The following SIL1 variants were observed in gnomAD, a reference collection of about 807,000 sequenced individuals.
SIL1 encodes SIL1 nucleotide exchange factor.
In SIL1, 40 loss-of-function variants were observed where a neutral mutation model predicts 49.1. The ratio of observed to expected loss-of-function variants is 0.81; its 90% CI spans 0.63 to 1.06. SIL1 has a LOEUF of 1.06. Among genes scored for constraint, SIL1 ranks in the 50% least tolerant of loss-of-function variants. The probability of loss-of-function intolerance (pLI) is 0.00; values close to 1 mark genes in which losing one functional copy is unlikely to be tolerated. For synonymous variants in SIL1, 253 were observed against 250.8 expected, an observed-to-expected ratio of 1.01 and a Z score of -0.08; for missense variants, 500 against 572.6, an observed-to-expected ratio of 0.87 and a Z score of 1.29.
chr5:139,191,093 A>G (rs1651596280), intron 1 of SIL1, among the ~76,000 whole-genome samples: 3 of 152,090 alleles, frequency 2.0e-5, no homozygotes, highest in Middle Eastern at 3.4e-3. Context: ...TTAGCCGGCC[A>G]TGGTGGCAAG....
intron 7 of SIL1, among the ~76,000 whole-genome samples, chr5:138,959,309 A>C (rs1766968667): frequency 6.6e-6 from 1 of 152,248 alleles, no homozygotes; most frequent in East Asian, 1.9e-4. Flanking sequence ...AGCATTTGGG[A>C]TAACTAGAGT....
intron 7 of SIL1, among the ~76,000 whole-genome samples, chr5:138,989,841 C>T (rs1477551086): frequency 1.3e-5 from 2 of 152,206 alleles, no homozygotes; most frequent in East Asian, 3.9e-4. Flanking sequence ...GAAATGCCAT[C>T]TGAAGGCCAT....
intron 5 of SIL1, among the ~76,000 whole-genome samples, chr5:139,041,818 CA>C (rs536666463): frequency 0.17 from 14,958 of 86,332 alleles, 1,630 homozygotes; most frequent in African/African-American, 0.41. Context: ...AACTCAAAAA[CA>C]AAAAAAAAAA....
intron 7 of SIL1, among the ~76,000 whole-genome samples, chr5:139,019,723 A>G (rs757561391): frequency 9.2e-5 from 14 of 152,160 alleles, no homozygotes; most frequent in Non-Finnish European, 1.6e-4. Flanking sequence ...AATGCTACAC[A>G]GTTTCCCCCA....
At chr5:139,102,356 C>T (rs1561862715) in intron 3 of SIL1, among the ~76,000 whole-genome samples, 1 of 152,074 alleles carries the variant, frequency 6.6e-6, no homozygotes, top group Admixed American at 6.6e-5. Context: ...GAACACAAGC[C>T]ATAATGTTAA....
chr5:139,029,957 G>A (rs1768750245), intron 5 of SIL1, among the ~76,000 whole-genome samples: 1 of 151,644 alleles, frequency 6.6e-6, no homozygotes, highest in South Asian at 2.1e-4. Flanking sequence ...GAGCAATAGA[G>A]TGAGACTCTG....
intron 3 of SIL1, among the ~76,000 whole-genome samples, chr5:139,065,663 C>T (rs80071886): frequency 0.019 from 2,903 of 152,292 alleles, 53 homozygotes; most frequent in Non-Finnish European, 0.032. Context: ...AGCAGCCTGC[C>T]TCACACCTCC....
chr5:139,020,321 C>T (rs1357572581), intron 7 of SIL1, among the ~76,000 whole-genome samples: 1 of 152,196 alleles, frequency 6.6e-6, no homozygotes, highest in Non-Finnish European at 1.5e-5. Context: ...ATTTAAAAAA[C>T]AAGCACAGAT....
At chr5:139,015,915 G>GT (rs1251333621) in intron 7 of SIL1, among the ~76,000 whole-genome samples, 1 of 152,094 alleles carries the variant, frequency 6.6e-6, no homozygotes, top group Non-Finnish European at 1.5e-5. Flanking sequence ...CATTATCGAG[G>GT]TTCCTTAGTA....
intron 3 of SIL1, among the ~76,000 whole-genome samples, chr5:139,056,679 G>A (rs1195441179): frequency 7.7e-5 from 11 of 143,066 alleles, no homozygotes; most frequent in Non-Finnish European, 1.3e-4. Context: ...CAGCCGCCCC[G>A]TCCGGGAGGG....
intron 5 of SIL1, among the ~76,000 whole-genome samples, chr5:139,033,416 G>C (rs1768835151): frequency 6.6e-6 from 1 of 151,230 alleles, no homozygotes; most frequent in African/African-American, 2.4e-5. Context: ...CTTGCTTTGA[G>C]CTTGTTTCGA....
At chr5:138,958,474 A>C (rs1766947825) in intron 7 of SIL1, among the ~76,000 whole-genome samples, 2 of 152,182 alleles carry the variant, frequency 1.3e-5, no homozygotes, top group Admixed American at 1.3e-4. Context: ...AGACACTTTG[A>C]GATATGAAGA....
chr5:139,154,333 C>T (rs1751366056), intron 1 of SIL1, among the ~76,000 whole-genome samples: 1 of 152,224 alleles, frequency 6.6e-6, no homozygotes, highest in Non-Finnish European at 1.5e-5. Flanking sequence ...AGAAGATGTT[C>T]CCAATTCTGT....
chr5:138,954,324 G>A (rs1428290331), intron 7 of SIL1, among the ~76,000 whole-genome samples: 1 of 152,282 alleles, frequency 6.6e-6, no homozygotes. Flanking sequence ...GGTACGGCAG[G>A]ACCATGGGCC....
At chr5:138,966,139 A>G (rs11958050) in intron 7 of SIL1, among the ~76,000 whole-genome samples, 66,681 of 151,896 alleles carry the variant, frequency 0.44, 15,987 homozygotes, top group African/African-American at 0.65. Context: ...ATTTTCAACA[A>G]GTTCAATATT....
At position 139,021,240 on chromosome 5, in the gene SIL1, T is replaced by A. The variant is rs979530005; in HGVS notation, c.698A>T (p.Asn233Ile). The A allele has an allele frequency of 1.2e-6, 2 of 1,614,018 alleles. No homozygotes were observed. The highest frequency in any genetic ancestry group is 1.7e-6 in the Non-Finnish European group (2 of 1,180,030). The change falls in exon 7 of 10, where the codon AAT (asparagine) becomes ATT (isoleucine). Residue 233 changes from asparagine to isoleucine, a missense_variant. Physicochemically the swap from Asn to Ile is moderately radical, Grantham distance 149 (BLOSUM62 -3). Transcript: ENST00000394817. ...LSFGGLQVVI[N>I]GLNSTEPLVK... ...GAGGGGCTCTGTGCTGTTCAGCCCA[T>A]TGATCACCACTTGAAGACCACCAAA...
chr5:139,057,366 A>C (rs1343071410), intron 3 of SIL1, among the ~76,000 whole-genome samples: 1 of 151,594 alleles, frequency 6.6e-6, no homozygotes, highest in Admixed American at 6.6e-5. Context: ...TTCTGGTCCA[A>C]GAAGGATGAG....
intron 5 of SIL1, among the ~76,000 whole-genome samples, chr5:139,033,438 T>C (rs1339262062): frequency 6.6e-6 from 1 of 151,872 alleles, no homozygotes; most frequent in African/African-American, 2.4e-5. Flanking sequence ...CATCTTTTCC[T>C]AGTTTCTTGA....
At chr5:139,174,937 CAA>C (rs56959325) in intron 1 of SIL1, among the ~76,000 whole-genome samples, 232 of 59,832 alleles carry the variant, frequency 3.9e-3, no homozygotes, top group Middle Eastern at 0.013. Flanking sequence ...GACTGTGTCT[CAA>C]AAAAAAAAAA....
Sources: gnomAD v4.1 joint callset for allele counts (sites outside exome capture counted in the v4.1 genomes callset) on GRCh38, gnomAD v4.1.1 for gene constraint, MANE v1.5 for transcripts, NCBI Gene and HGNC (gene_info 2026-07-23, HGNC 2026-07-21) for gene names.